Variants in HPSE2 observed in about 807,000 individuals in gnomAD.
HPSE2 encodes heparanase 2 (inactive).
HPSE2 carries 38 observed loss-of-function variants against 60.5 expected under a neutral mutation model. The ratio of observed to expected loss-of-function variants is 0.63; its 90% CI spans 0.48 to 0.82. The LOEUF (loss-of-function observed/expected upper bound fraction) is 0.82, where lower values mean the gene tolerates loss of function less well. Among genes scored for constraint, HPSE2 ranks in the 40% least tolerant of loss-of-function variants. The pLI is 0.00. For synonymous variants in HPSE2, 295 were observed against 293.2 expected (o/e 1.01, Z -0.06); for missense variants, 713 against 740.4 (o/e 0.96, Z 0.43).
At chr10:98,990,458 G>C (rs1040391330) in intron 3 of HPSE2, among the ~76,000 whole-genome samples, 1 of 152,176 alleles carries the variant, frequency 6.6e-6, no homozygotes, top group Non-Finnish European at 1.5e-5. Context: ...GTAACGCCAA[G>C]TGATGGGGAG....
chr10:98,509,208 G>C (rs956546333), intron 9 of HPSE2, among the ~76,000 whole-genome samples: 2 of 151,986 alleles, frequency 1.3e-5, no homozygotes, highest in Admixed American at 6.5e-5. Context: ...CAGACACTTG[G>C]GAGGCTGAGG....
At chr10:99,015,944 C>T (rs2135413587) in intron 3 of HPSE2, among the ~76,000 whole-genome samples, 1 of 152,098 alleles carries the variant, frequency 6.6e-6, no homozygotes, top group South Asian at 2.1e-4. Flanking sequence ...GATAGTTGAC[C>T]TTTGTTGGAT....
At chr10:99,094,678 T>C (rs887243220) in intron 3 of HPSE2, among the ~76,000 whole-genome samples, 4 of 148,034 alleles carry the variant, frequency 2.7e-5, no homozygotes, top group Non-Finnish European at 4.5e-5. Context: ...TGCCTCAGCC[T>C]CTGGAGTAGC....
rs144992551 is a variant in HPSE2 at position 98,564,974 on chromosome 10, T to C, written c.1320+49930A>G. On this transcript the variant is annotated intron_variant, in intron 9 of 11. Coordinates refer to ENST00000370552, the MANE Select transcript of HPSE2 (RefSeq NM_021828.5). Reference sequence around the variant, plus strand: ...ACTAGGACACACAGACATCATCCTGTATAGTCATTTGTCCTGTTCTGAGTG... The same window carrying C: ...ACTAGGACACACAGACATCATCCTGCATAGTCATTTGTCCTGTTCTGAGTG... Among the ~76,000 whole-genome samples the C allele has an allele frequency of 2.3e-4, 35 of 152,234 alleles. No homozygotes were observed. In the East Asian group the frequency reaches 6.6e-3, roughly 29 times the overall value.
intron 3 of HPSE2, among the ~76,000 whole-genome samples, chr10:98,823,457 A>G (rs1265343043): frequency 6.6e-6 from 1 of 152,082 alleles, no homozygotes; most frequent in African/African-American, 2.4e-5. Context: ...AATCTCTACA[A>G]AAACTAGAAA....
At chr10:98,932,787 A>T (rs1358558578) in intron 3 of HPSE2, among the ~76,000 whole-genome samples, 1 of 143,144 alleles carries the variant, frequency 7.0e-6, no homozygotes, top group Non-Finnish European at 1.5e-5. Flanking sequence ...GTATTCTCTG[A>T]TGGTTGTTTG....
intron 3 of HPSE2, among the ~76,000 whole-genome samples, chr10:98,908,410 G>C (rs538072512): frequency 6.6e-6 from 1 of 152,100 alleles, no homozygotes; most frequent in Admixed American, 6.5e-5. Flanking sequence ...GAGGCTGGGC[G>C]CAGTGGCTCA....
intron 3 of HPSE2, among the ~76,000 whole-genome samples, chr10:99,121,623 G>A (rs1388923688): frequency 6.6e-6 from 1 of 152,114 alleles, no homozygotes; most frequent in Non-Finnish European, 1.5e-5. Context: ...ATCAATTATT[G>A]TCTATTACAC....
intron 3 of HPSE2, among the ~76,000 whole-genome samples, chr10:98,893,051 A>C (rs1340224307): frequency 2.0e-5 from 3 of 151,584 alleles, no homozygotes; most frequent in Admixed American, 1.3e-4. Context: ...TTTCATTTTT[A>C]TTTTTAATTT....
chr10:99,288,748 C>CAAAAAAAAAAAAAA, the HPSE2 span, among the ~76,000 whole-genome samples: 1 of 75,790 alleles, frequency 1.3e-5, no homozygotes, highest in Admixed American at 1.9e-4. Context: ...CAGCCTCAAG[C>CAAAAAAAAAAAAAA]AAAAAAAAAA....
rs1178579352 is a variant in HPSE2, at chr10:99,126,940, G to A, written c.610+17298C>T. 6.6e-6 allele frequency among the ~76,000 whole-genome samples: 1 copy of A among 152,168 alleles called. No homozygotes were observed. The highest frequency in any genetic ancestry group is 2.4e-5 in the African/African-American group (1 of 41,444). On this transcript the variant is annotated intron_variant, in intron 3 of 11. Transcript: ENST00000370552. The surrounding 1 kb of genome is among the most constrained non-coding windows in gnomAD (Gnocchi z 4.0). ...CTCCCAGAAAGCCCCATCCCTAGGG[G>A]AAGGGGAAGAGCACCACATGAAGGG... is the stretch of plus-strand genomic sequence containing the variant.
intron 6 of HPSE2, among the ~76,000 whole-genome samples, chr10:98,645,127 G>T (rs1220193168): frequency 2.0e-5 from 3 of 152,154 alleles, no homozygotes; most frequent in Non-Finnish European, 4.4e-5. Context: ...AAGAGAGATT[G>T]CCTTGGAGAA....
chr10:99,312,408 A>G, the HPSE2 span, among the ~76,000 whole-genome samples: 2 of 152,234 alleles, frequency 1.3e-5, no homozygotes, highest in African/African-American at 4.8e-5. Context: ...CTCATTTACC[A>G]TTCCAAAAAT....
chr10:98,609,318 T>C (rs1273222152), intron 9 of HPSE2, among the ~76,000 whole-genome samples: 1 of 152,238 alleles, frequency 6.6e-6, no homozygotes, highest in Non-Finnish European at 1.5e-5. Context: ...TAGCATAGTA[T>C]CTAGCACATA....
chr10:99,127,890 A>G (rs975305024), intron 3 of HPSE2, among the ~76,000 whole-genome samples: 2 of 151,678 alleles, frequency 1.3e-5, no homozygotes, highest in African/African-American at 4.8e-5. Context: ...ATCCAACAAA[A>G]CTAAGCTTCT....
intron 3 of HPSE2, among the ~76,000 whole-genome samples, chr10:98,893,278 G>T (rs1257903738): frequency 6.6e-6 from 1 of 152,026 alleles, no homozygotes. Context: ...TGTTGGTCAG[G>T]CTGGTCTCGA....
At position 98,569,594 on chromosome 10, in the gene HPSE2, TG is replaced by T. The variant is rs1944440854; in HGVS notation, c.1320+45309del. On this transcript the variant is annotated intron_variant, in intron 9 of 11. Transcript: ENST00000370552. ...TCTCCTCCTCAAGTACTACTGTACC[TG>T]TCAAAATTCAATTTATCCTTCTAGA... 2.0e-5 allele frequency among the ~76,000 whole-genome samples: 3 copies of T among 152,316 alleles called. 1 individual carries two copies. Among genetic ancestry groups the T allele is most frequent in the Admixed American group, 6.5e-5 (1 of 15,298 alleles).
rs552396314 is a variant in HPSE2, at chr10:98,835,491, G to T, written c.611-91435C>A. Among the ~76,000 whole-genome samples the T allele has an allele frequency of 2.0e-4, 30 of 152,210 alleles. No homozygotes were observed. In the South Asian group the frequency reaches 6.2e-3, roughly 32 times the overall value. ...TGGTTACTTTGGAGGTAGGGAGAGG[G>T]TTAATTGGGGCAATGCACAGAGGGG... On this transcript the variant is annotated intron_variant, in intron 3 of 11. Transcript: ENST00000370552.
intron 2 of HPSE2, among the ~76,000 whole-genome samples, chr10:99,214,167 A>C (rs1849042459): frequency 6.6e-6 from 1 of 152,222 alleles, no homozygotes; most frequent in African/African-American, 2.4e-5. Flanking sequence ...ACCATTTCAC[A>C]CCTACTAGGA....
Sources: allele counts gnomAD v4.1 joint callset (sites outside exome capture counted in the v4.1 genomes callset), GRCh38; gene constraint gnomAD v4.1.1; non-coding constraint Gnocchi (gnomAD v3.1); transcripts MANE v1.5; gene names NCBI Gene and HGNC (gene_info 2026-07-23, HGNC 2026-07-21).